The following NEK11 variants were observed in gnomAD, a reference collection of about 807,000 sequenced individuals.
NEK11 encodes the protein serine/threonine-protein kinase Nek11.
Under a neutral mutation model 80.7 loss-of-function variants are expected in NEK11, and 72 were observed. The observed-to-expected ratio is 0.89, with a 90% CI of 0.74 to 1.08. NEK11 has a LOEUF of 1.08. Among genes scored for constraint, NEK11 ranks in the 50% least tolerant of loss-of-function variants. The pLI, the probability that NEK11 is intolerant of heterozygous loss-of-function variation, is 0.00. For missense variants in NEK11, 764 were observed against 763.6 expected, an observed-to-expected ratio of 1.00 and a Z score of -0.01; for synonymous variants, 251 against 260.7, an observed-to-expected ratio of 0.96 and a Z score of 0.36.
chr3:131,154,949 C>T, intron 9 of NEK11, 87 bp from the exon 10 acceptor site: 1 of 808,180 alleles, frequency 1.2e-6, no homozygotes, highest in Non-Finnish European at 2.1e-6. Flanking sequence ...AAAAGCACCC[C>T]AAATCTGAAA....
intron 2 of NEK11, among the ~76,000 whole-genome samples, chr3:131,028,382 T>C (rs998654403): frequency 1.3e-5 from 2 of 152,214 alleles, no homozygotes; most frequent in Non-Finnish European, 2.9e-5. Flanking sequence ...TTGTTGAATA[T>C]GAAAACCTAA....
intron 4 of NEK11, among the ~76,000 whole-genome samples, chr3:131,098,873 T>C (rs2077915811): frequency 6.6e-6 from 1 of 152,116 alleles, no homozygotes; most frequent in South Asian, 2.1e-4. Context: ...AGATTCTGGA[T>C]ATTAAACGTT....
chr3:131,195,254 C>T (rs2150320845), intron 14 of NEK11, among the ~76,000 whole-genome samples: 1 of 152,224 alleles, frequency 6.6e-6, no homozygotes, highest in East Asian at 1.9e-4. Flanking sequence ...TCTTCCCCAC[C>T]CCTCCTCCAA....
chr3:131,127,020 C>T (rs2083478083), intron 5 of NEK11, among the ~76,000 whole-genome samples: 2 of 133,392 alleles, frequency 1.5e-5, no homozygotes, highest in South Asian at 4.7e-4. Context: ...GGCTGGAGTA[C>T]AGTGGCGCGA....
intron 3 of NEK11, among the ~76,000 whole-genome samples, chr3:131,043,779 C>T (rs912364775): frequency 5.3e-5 from 8 of 152,150 alleles, no homozygotes; most frequent in African/African-American, 1.9e-4. Context: ...CAAAGATACT[C>T]CTCAAGAAGA....
chr3:131,139,055 T>C (rs2086256009), intron 7 of NEK11, among the ~76,000 whole-genome samples: 1 of 143,436 alleles, frequency 7.0e-6, no homozygotes, highest in South Asian at 2.2e-4. Context: ...GGACCAATCC[T>C]GGAGAAACAG....
chr3:131,027,751 G>A (rs1290444956), intron 1 of NEK11, 179 bp from the exon 2 acceptor site: 1 of 148,678 alleles, frequency 6.7e-6, no homozygotes, highest in Non-Finnish European at 1.5e-5. Context: ...AGTGGACTGG[G>A]ATGGGGGTGG....
At chr3:131,126,959 CTTT>C (rs71133688) in intron 5 of NEK11, among the ~76,000 whole-genome samples, 5 of 90,094 alleles carry the variant, frequency 5.5e-5, no homozygotes, top group African/African-American at 1.9e-4. Flanking sequence ...TTCTTTCTTT[CTTT>C]TTTTTTTTTT....
chr3:131,076,662 G>A (rs958185212), intron 3 of NEK11, among the ~76,000 whole-genome samples: 3 of 152,182 alleles, frequency 2.0e-5, no homozygotes, highest in Non-Finnish European at 4.4e-5. Flanking sequence ...GGCTAAGTGG[G>A]TACAGTAGCT....
intron 5 of NEK11, among the ~76,000 whole-genome samples, chr3:131,131,843 T>A (rs1326798677): frequency 6.6e-6 from 1 of 152,076 alleles, no homozygotes; most frequent in Non-Finnish European, 1.5e-5. Flanking sequence ...TTCAGTGCTG[T>A]AAATTTCCCT....
chr3:131,248,389 G>T (rs1002188372), intron 16 of NEK11, among the ~76,000 whole-genome samples: 4 of 152,042 alleles, frequency 2.6e-5, no homozygotes, highest in African/African-American at 9.7e-5. Flanking sequence ...CATAGTAGGT[G>T]TTTGTGTTTA....
intron 14 of NEK11, among the ~76,000 whole-genome samples, chr3:131,212,532 A>T (rs2094669279): frequency 8.7e-6 from 1 of 115,214 alleles, no homozygotes; most frequent in Admixed American, 8.1e-5. Flanking sequence ...CTCAGTTGGA[A>T]ATGCAGAATC....
rs535707372 is a variant in NEK11 at position 131,298,904 on chromosome 3, T to C, written c.1718+25330T>C. Among the ~76,000 whole-genome samples, 6 of 151,896 alleles carry C rather than the reference T, an allele frequency of 4.0e-5. No individual in the cohort carries two copies. The South Asian group carries it at 1.0e-3, about 26-fold the overall frequency. The stretch of plus-strand genomic sequence containing the variant: ...TCTATGTATGTATGTAGTAGTGTCA[T>C]AATCCTTAGATATTCTCTTCTGTTT... On this transcript the variant is annotated intron_variant, in intron 17 of 17. Coordinates refer to ENST00000383366, the MANE Select transcript of NEK11 (RefSeq NM_024800.5).
chr3:131,227,389 C>A (rs905224239), intron 14 of NEK11, among the ~76,000 whole-genome samples: 1 of 152,142 alleles, frequency 6.6e-6, no homozygotes, highest in Non-Finnish European at 1.5e-5. Flanking sequence ...CCGATGCTTT[C>A]ATGAGAATTC....
chr3:131,235,582 C>G (rs1298110939), intron 15 of NEK11, among the ~76,000 whole-genome samples: 1 of 152,068 alleles, frequency 6.6e-6, no homozygotes, highest in Non-Finnish European at 1.5e-5. Flanking sequence ...TCCCACATAA[C>G]CTGGTAATCT....
chr3:131,303,773 GC>G (rs1381360771), intron 17 of NEK11, among the ~76,000 whole-genome samples: 1 of 152,096 alleles, frequency 6.6e-6, no homozygotes, highest in African/African-American at 2.4e-5. Context: ...CTCTCTAGCT[GC>G]CTTTAGCATT....
chr3:131,182,135 C>A, intron 14 of NEK11, among the ~76,000 whole-genome samples: 2 of 141,392 alleles, frequency 1.4e-5, no homozygotes, highest in African/African-American at 2.8e-5. Context: ...AATAGCACAT[C>A]TCCAGAAAAA....
intron 17 of NEK11, among the ~76,000 whole-genome samples, chr3:131,348,131 C>T (rs555434789): frequency 4.9e-4 from 75 of 152,190 alleles, no homozygotes; most frequent in African/African-American, 1.7e-3. Flanking sequence ...CATAAGTACA[C>T]ATATAAATTT....
rs1211118528 is a variant in NEK11 at position 131,232,334 on chromosome 3, A to T, written c.1560+3646A>T. Among the ~76,000 whole-genome samples, 3 of 152,214 alleles carry T rather than the reference A, an allele frequency of 2.0e-5. No homozygotes were observed. The East Asian group carries it at 5.8e-4, about 29-fold the overall frequency. ...GCTACAGGCTGACGAGTGTTTTCACAGACTCTTCTGTCTTTCCTTTGCTGC... is the reference window on the plus strand; with the variant it reads ...GCTACAGGCTGACGAGTGTTTTCACTGACTCTTCTGTCTTTCCTTTGCTGC... On this transcript the variant is annotated intron_variant, in intron 15 of 17. Transcript: ENST00000383366.
Sources: allele counts gnomAD v4.1 joint callset (sites outside exome capture counted in the v4.1 genomes callset), GRCh38; gene constraint gnomAD v4.1.1; transcripts MANE v1.5; gene names NCBI Gene and HGNC (gene_info 2026-07-23, HGNC 2026-07-21).